The following MCM10 variants were observed in gnomAD, a reference collection of about 807,000 sequenced individuals.
MCM10 encodes the protein minichromosome maintenance 10 replication initiation factor.
A neutral mutation model predicts 109.9 loss-of-function variants in MCM10; 91 were observed. The ratio of observed to expected loss-of-function variants is 0.83; its 90% CI spans 0.70 to 0.99. The LOEUF is 0.99. MCM10 is among the 50% of genes least tolerant of loss of function. The pLI is 0.00. For synonymous variants in MCM10, 380 were observed against 387.2 expected, an observed-to-expected ratio of 0.98 and a Z score of 0.22; for missense variants, 1,077 against 1,061.2, an observed-to-expected ratio of 1.01 and a Z score of -0.21.
At chr10:13,208,200 A>G (rs1294753673) in intron 18 of MCM10, among the ~76,000 whole-genome samples, 1 of 151,980 alleles carries the variant, frequency 6.6e-6, no homozygotes, top group Admixed American at 6.6e-5. Flanking sequence ...CCTGGGCAAC[A>G]TAGTGAGACT....
intron 18 of MCM10, among the ~76,000 whole-genome samples, chr10:13,204,998 GTATGTATATATATATATATATA>G (rs1219637281): frequency 0.014 from 283 of 19,550 alleles, 7 homozygotes; most frequent in Non-Finnish European, 0.024. Flanking sequence ...ATGTATGTAT[GTATGTATATATATATATATATA>G]TATATATATA....
Position 13,191,417 on chromosome 10 carries a change from T to C in MCM10, c.1516+18T>C, listed in dbSNP as rs368536532. 3.1e-6 allele frequency: 5 copies of C among 1,601,108 alleles called. No individual in the cohort carries two copies. The African/African-American group carries it at 4.0e-5, about 13-fold the overall frequency. ...AAAACTCGGTAACTTTGTTTTTCCATAAGAAATTTCTTTCTCCAGTTTAAT... is the reference window on the plus strand; with the variant it reads ...AAAACTCGGTAACTTTGTTTTTCCACAAGAAATTTCTTTCTCCAGTTTAAT... On this transcript the variant is annotated intron_variant, in intron 11 of 19. Coordinates refer to ENST00000378714, the MANE Select transcript of MCM10 (RefSeq NM_018518.5).
intron 16 of MCM10, among the ~76,000 whole-genome samples, 154 bp from the exon 17 acceptor site, chr10:13,201,267 G>C (rs757519398): frequency 3.9e-5 from 6 of 152,126 alleles, no homozygotes; most frequent in Non-Finnish European, 8.8e-5. Flanking sequence ...GTGCTGTCCA[G>C]GGCCCTCTCA....
At position 13,186,083 on chromosome 10, in the gene MCM10, C is replaced by T. The variant is rs940041855; in HGVS notation, c.1099-81C>T. On this transcript the variant is annotated intron_variant, in intron 8 of 19. Coordinates refer to ENST00000378714, the MANE Select transcript of MCM10 (RefSeq NM_018518.5). Reference sequence around the variant, plus strand: ...GGCAATAACCTTCTTAAATCAGCACCAACCATTCTTTTTTCTATTCCTGCT... The same window carrying T: ...GGCAATAACCTTCTTAAATCAGCACTAACCATTCTTTTTTCTATTCCTGCT... 7.6e-6 allele frequency: 6 copies of T among 792,804 alleles called. 1 individual carries two copies. In the South Asian group the frequency reaches 8.9e-5, roughly 12 times the overall value. The allele number at this position is 792,804 out of a possible 1,614,324, so 49.1% of individuals were successfully genotyped here.
rs189575317 is a variant in MCM10 at position 13,204,278 on chromosome 10, C to T, written c.2412C>T (p.His804=). The T allele has an allele frequency of 2.1e-4, 346 of 1,614,212 alleles. No homozygotes were observed. In the East Asian group the frequency reaches 6.9e-3, roughly 32 times the overall value. Residue 804 remains histidine, a synonymous_variant, in exon 18 of 20, where the codon CAC becomes CAT. Transcript: ENST00000378714. Reference sequence around the variant, plus strand: ...GCGTCAGTGAGCAGCATGAATACCACTGGCATGATGGTGTGAAGAGGTTTT... The same window carrying T: ...GCGTCAGTGAGCAGCATGAATACCATTGGCATGATGGTGTGAAGAGGTTTT... The part of the protein sequence containing the change: ...ETCVSEQHEY[H]WHDGVKRFFK...
chr10:13,201,346 G>A (rs1043708121), intron 16 of MCM10, 75 bp from the exon 17 acceptor site: 86 of 855,264 alleles, frequency 1.0e-4, no homozygotes, highest in Non-Finnish European at 4.0e-5. Context: ...AATAATCATC[G>A]AGTTACTCTT....
At chr10:13,194,324 A>G (rs532569077) in intron 13 of MCM10, among the ~76,000 whole-genome samples, 1 of 152,180 alleles carries the variant, frequency 6.6e-6, no homozygotes, top group East Asian at 1.9e-4. Flanking sequence ...AATCGTGCCA[A>G]CGCACTCTAG....
chr10:13,198,380 T>A (rs555713497), intron 15 of MCM10, among the ~76,000 whole-genome samples: 39 of 152,334 alleles, frequency 2.6e-4, no homozygotes, highest in African/African-American at 8.9e-4. Flanking sequence ...ACTCTGAAGT[T>A]GGCAATATCA....
intron 8 of MCM10, among the ~76,000 whole-genome samples, chr10:13,185,085 C>T (rs1458866819): frequency 6.6e-6 from 1 of 152,168 alleles, no homozygotes; most frequent in African/African-American, 2.4e-5. Context: ...GGGCAAAGCA[C>T]CTTAGGCAGC....
chr10:13,193,897 C>G (rs1019704898), intron 13 of MCM10, among the ~76,000 whole-genome samples: 3 of 152,058 alleles, frequency 2.0e-5, no homozygotes, highest in African/African-American at 7.2e-5. Flanking sequence ...GCAAACACAG[C>G]CTAGAGCTTG....
chr10:13,194,014 C>T (rs1258108898), intron 13 of MCM10, among the ~76,000 whole-genome samples: 2 of 152,058 alleles, frequency 1.3e-5, no homozygotes, highest in Admixed American at 6.5e-5. Flanking sequence ...GTTTCTTCAT[C>T]GATCAAATGA....
rs1199061195 is a variant in MCM10 at position 13,188,940 on chromosome 10, G to A, written c.1275G>A (p.Lys425=). Reference sequence around the variant, plus strand: ...CTCAGTACAAGAAGCTCAGCGCAAAGCGTGCGGATCTGCAGTCCACCTTCT... The same window carrying A: ...CTCAGTACAAGAAGCTCAGCGCAAAACGTGCGGATCTGCAGTCCACCTTCT... ...VQAQYKKLSA[K]RADLQSTFSG... Residue 425 remains lysine (K), a synonymous_variant, in exon 10 of 20, where the codon AAG becomes AAA. Coordinates refer to ENST00000378714, the MANE Select transcript of MCM10 (RefSeq NM_018518.5). The A allele has an allele frequency of 1.2e-6, 2 of 1,614,108 alleles. No individual in the cohort carries two copies. Among genetic ancestry groups the A allele is most frequent in the African/African-American group, 2.7e-5 (2 of 74,946 alleles).
chr10:13,179,833 A>G (rs186521272), intron 6 of MCM10, among the ~76,000 whole-genome samples: 7 of 152,358 alleles, frequency 4.6e-5, no homozygotes, highest in Non-Finnish European at 7.3e-5. Flanking sequence ...GTAATAAAGT[A>G]AAAAAGATTG....
intron 8 of MCM10, among the ~76,000 whole-genome samples, chr10:13,183,480 C>T (rs1342023274): frequency 6.6e-6 from 1 of 152,138 alleles, no homozygotes; most frequent in African/African-American, 2.4e-5. Flanking sequence ...TATTAGTCTA[C>T]CTCCAGAAAA....
intron 5 of MCM10, 39 bp from the exon 6 acceptor site, chr10:13,175,471 A>G: frequency 6.4e-7 from 1 of 1,551,326 alleles, no homozygotes; most frequent in African/African-American, 1.4e-5. Context: ...CGTGATTATC[A>G]GTGTGGTTGC....
chr10:13,175,328 A>T (rs1181836702), intron 5 of MCM10, among the ~76,000 whole-genome samples, 182 bp from the exon 6 acceptor site: 1 of 152,046 alleles, frequency 6.6e-6, no homozygotes, highest in East Asian at 1.9e-4. Flanking sequence ...AGCTACTCAG[A>T]AATCGCTTAA....
chr10:13,162,189 G>A (rs1338134962), intron 1 of MCM10, among the ~76,000 whole-genome samples: 4 of 152,160 alleles, frequency 2.6e-5, no homozygotes, highest in East Asian at 1.9e-4. Context: ...AGGTGGAAGC[G>A]GGCTGGCCCG....
At position 13,172,272 on chromosome 10, in the gene MCM10, G is replaced by A. The variant is rs540541390; in HGVS notation, c.350-104G>A. On this transcript the variant is annotated intron_variant, in intron 3 of 19. Coordinates refer to ENST00000378714, the MANE Select transcript of MCM10 (RefSeq NM_018518.5). The surrounding 1 kb of genome is among the most constrained non-coding windows in gnomAD (Gnocchi z 5.2). ...TATGTGATTATATTGTGGGTCTCAA[G>A]GTATTGGGGCAGGGAGTGGACAACA... is the stretch of plus-strand genomic sequence containing the variant. 4.0e-6 allele frequency: 3 copies of A among 754,432 alleles called. No homozygotes were observed. Among genetic ancestry groups the A allele is most frequent in the African/African-American group, 1.7e-5 (1 of 57,602 alleles). The allele number at this position is 754,432 out of a possible 1,614,324, so 46.7% of individuals were successfully genotyped here.
intron 18 of MCM10, among the ~76,000 whole-genome samples, chr10:13,206,120 T>C (rs1194751301): frequency 6.6e-6 from 1 of 152,234 alleles, no homozygotes; most frequent in Non-Finnish European, 1.5e-5. Flanking sequence ...CTTGTGAACG[T>C]GTACTGCTTG....
Sources: gnomAD v4.1 joint callset for allele counts (sites outside exome capture counted in the v4.1 genomes callset) on GRCh38, gnomAD v4.1.1 for gene constraint, Gnocchi (gnomAD v3.1) non-coding constraint, MANE v1.5 for transcripts, NCBI Gene and HGNC (gene_info 2026-07-23, HGNC 2026-07-21) for gene names.